HS3ST4: variants seen among roughly 807,000 people sequenced by gnomAD.
HS3ST4 encodes heparan sulfate glucosamine 3-O-sulfotransferase 4.
HS3ST4 carries 17 observed loss-of-function variants against 29.2 expected under a neutral mutation model. That is an observed-to-expected ratio of 0.58 (90% CI 0.40 to 0.87). The LOEUF is 0.87. Among genes scored for constraint, HS3ST4 ranks in the 40% least tolerant of loss-of-function variants. The pLI, the probability that HS3ST4 is intolerant of heterozygous loss-of-function variation, is 0.00. For synonymous variants in HS3ST4, 314 were observed against 285.7 expected, an observed-to-expected ratio of 1.10 and a Z score of -1.00; for missense variants, 627 against 634.5, an observed-to-expected ratio of 0.99 and a Z score of 0.13.
At chr16:25,976,479 T>G (rs1968944632) in intron 1 of HS3ST4, among the ~76,000 whole-genome samples, 1 of 152,168 alleles carries the variant, frequency 6.6e-6, no homozygotes, top group African/African-American at 2.4e-5. Flanking sequence ...CTCAGTTTAT[T>G]TCTTGACTGT....
At chr16:25,988,143 GACTT>G (rs1969081235) in intron 1 of HS3ST4, among the ~76,000 whole-genome samples, 1 of 152,200 alleles carries the variant, frequency 6.6e-6, no homozygotes, top group Non-Finnish European at 1.5e-5. Flanking sequence ...TAATTCATCT[GACTT>G]CGTCTGCACG....
intron 1 of HS3ST4, among the ~76,000 whole-genome samples, chr16:25,911,433 G>T (rs868587040): frequency 6.7e-6 from 1 of 149,116 alleles, no homozygotes; most frequent in Non-Finnish European, 1.5e-5. Flanking sequence ...TCTCCTCCTT[G>T]TCTCCATCTC....
chr16:26,082,694 T>C (rs1182476867), intron 1 of HS3ST4, among the ~76,000 whole-genome samples: 1 of 152,184 alleles, frequency 6.6e-6, no homozygotes, highest in Non-Finnish European at 1.5e-5. Context: ...ATACCTGATT[T>C]TCCATTCTCC....
At position 25,859,194 on chromosome 16, in the gene HS3ST4, AG is replaced by A. The variant is rs140813185; in HGVS notation, c.734+166045del. Among the ~76,000 whole-genome samples the A allele has an allele frequency of 5.5e-3, 841 of 152,312 alleles. 4 individuals carry two copies. Among genetic ancestry groups the A allele is most frequent in the Middle Eastern group, 0.01 (3 of 294 alleles). On this transcript the variant is annotated intron_variant, in intron 1 of 1. Coordinates refer to ENST00000331351, the MANE Select transcript of HS3ST4 (RefSeq NM_006040.3). ...CTAATGGACTAGCATTTTTAAGAAAAGGTATGTTTGGCAAGACAGAAAATAA... is the reference window on the plus strand; with the variant it reads ...CTAATGGACTAGCATTTTTAAGAAAAGTATGTTTGGCAAGACAGAAAATAA...
At chr16:26,001,751 A>G (rs1969213604) in intron 1 of HS3ST4, among the ~76,000 whole-genome samples, 1 of 152,038 alleles carries the variant, frequency 6.6e-6, no homozygotes, top group South Asian at 2.1e-4. Flanking sequence ...CTACTGTAAC[A>G]TTTTCTCCGA....
chr16:25,866,755 T>C (rs1003656354), intron 1 of HS3ST4, among the ~76,000 whole-genome samples: 3 of 152,086 alleles, frequency 2.0e-5, no homozygotes, highest in Non-Finnish European at 4.4e-5. Context: ...CAAACCACCA[T>C]GGCACATGTA....
chr16:26,012,117 G>A (rs1245630279), intron 1 of HS3ST4, among the ~76,000 whole-genome samples: 1 of 152,138 alleles, frequency 6.6e-6, no homozygotes, highest in Non-Finnish European at 1.5e-5. Context: ...CAGGCAACAG[G>A]GCCCTGTGCC....
intron 1 of HS3ST4, among the ~76,000 whole-genome samples, chr16:25,922,499 G>T (rs1567273044): frequency 6.6e-6 from 1 of 152,186 alleles, no homozygotes; most frequent in African/African-American, 2.4e-5. Flanking sequence ...AGCTACCCAG[G>T]CTATGGTGTT....
intron 1 of HS3ST4, among the ~76,000 whole-genome samples, chr16:26,042,322 C>T (rs1395552481): frequency 1.3e-5 from 2 of 151,860 alleles, no homozygotes; most frequent in Non-Finnish European, 2.9e-5. Flanking sequence ...GTTTAACCAC[C>T]TACATAATAA....
chr16:26,048,647 T>C (rs1453810210), intron 1 of HS3ST4, among the ~76,000 whole-genome samples: 7 of 152,010 alleles, frequency 4.6e-5, no homozygotes, highest in Admixed American at 2.0e-4. Context: ...GGCAACATAG[T>C]GAGACCCCCA....
chr16:26,088,494 T>A (rs1401734053), intron 1 of HS3ST4, among the ~76,000 whole-genome samples: 2 of 152,176 alleles, frequency 1.3e-5, no homozygotes, highest in Admixed American at 1.3e-4. Context: ...TTGAGGCGAA[T>A]GGTTGGTTAT....
chr16:26,009,685 C>T (rs931199027), intron 1 of HS3ST4, among the ~76,000 whole-genome samples: 1 of 152,210 alleles, frequency 6.6e-6, no homozygotes, highest in Non-Finnish European at 1.5e-5. Context: ...TACACAAGCT[C>T]TTATAGTCTT....
intron 1 of HS3ST4, among the ~76,000 whole-genome samples, chr16:26,056,052 G>C (rs868034141): frequency 1.4e-5 from 2 of 139,354 alleles, no homozygotes; most frequent in Admixed American, 1.4e-4. Context: ...GAGAGAGAGA[G>C]AGAGAGAGAG....
chr16:25,851,810 C>T (rs1276494872), intron 1 of HS3ST4, among the ~76,000 whole-genome samples: 1 of 152,068 alleles, frequency 6.6e-6, no homozygotes, highest in African/African-American at 2.4e-5. Flanking sequence ...CAAAAGGCAT[C>T]ATTCTATTGT....
chr16:26,079,068 A>G (rs535889159), intron 1 of HS3ST4, among the ~76,000 whole-genome samples: 1 of 152,326 alleles, frequency 6.6e-6, no homozygotes, highest in East Asian at 1.9e-4. Flanking sequence ...TCTCAGCCCA[A>G]CACTTTCTCA....
At chr16:25,753,416 G>A (rs1171496376) in intron 1 of HS3ST4, among the ~76,000 whole-genome samples, 1 of 152,228 alleles carries the variant, frequency 6.6e-6, no homozygotes, top group Non-Finnish European at 1.5e-5. Context: ...TTGATGGCCA[G>A]AATGGCCTCA....
chr16:25,825,340 G>T (rs570320831), intron 1 of HS3ST4: 1 of 152,370 alleles, frequency 6.6e-6, no homozygotes, highest in South Asian at 2.1e-4. Context: ...GCAGATTGTG[G>T]TACTTTGCTA....
At chr16:25,900,912 A>T (rs1381587457) in intron 1 of HS3ST4, among the ~76,000 whole-genome samples, 1 of 152,162 alleles carries the variant, frequency 6.6e-6, no homozygotes, top group East Asian at 1.9e-4. Flanking sequence ...TCTAGATGCC[A>T]TGTTCTTCCT....
chr16:25,879,660 T>A (rs9939424), intron 1 of HS3ST4, among the ~76,000 whole-genome samples: 23,796 of 152,038 alleles, frequency 0.16, 3,541 homozygotes, highest in African/African-American at 0.39. Context: ...ACACAGAGAC[T>A]AACCATATCA....
Sources: allele counts gnomAD v4.1 joint callset (sites outside exome capture counted in the v4.1 genomes callset), GRCh38; gene constraint gnomAD v4.1.1; transcripts MANE v1.5; gene names NCBI Gene and HGNC (gene_info 2026-07-23, HGNC 2026-07-21).